The following CAMK2A variants were observed in gnomAD, a reference collection of about 807,000 sequenced individuals.
CAMK2A encodes the protein calcium/calmodulin dependent protein kinase II alpha.
Under a neutral mutation model 79.2 loss-of-function variants are expected in CAMK2A, and 7 were observed. That is an observed-to-expected ratio of 0.09 (90% CI 0.05 to 0.17). CAMK2A has a LOEUF of 0.17. Ranked by LOEUF, CAMK2A falls within the 10% of genes least tolerant of loss-of-function variation. The probability of loss-of-function intolerance (pLI) is 1.00; values close to 1 mark genes in which losing one functional copy is unlikely to be tolerated. For synonymous variants in CAMK2A, 242 were observed against 251.7 expected, an observed-to-expected ratio of 0.96 and a Z score of 0.36; for missense variants, 214 against 646.4, an observed-to-expected ratio of 0.33 and a Z score of 7.25.
chr5:150,243,516 G>A (rs918762598), intron 13 of CAMK2A, among the ~76,000 whole-genome samples: 10 of 152,118 alleles, frequency 6.6e-5, no homozygotes, highest in African/African-American at 1.4e-4. Context: ...TTCAATGCCC[G>A]ATTCCATTAC....
At chr5:150,261,396 A>G (rs896836429) in intron 3 of CAMK2A, among the ~76,000 whole-genome samples, 1 of 152,202 alleles carries the variant, frequency 6.6e-6, no homozygotes, top group Non-Finnish European at 1.5e-5. Flanking sequence ...CGACTCAGCC[A>G]GAGCCCAAGA....
At chr5:150,232,640 G>A (rs568338368) in intron 15 of CAMK2A, among the ~76,000 whole-genome samples, 10 of 152,316 alleles carry the variant, frequency 6.6e-5, no homozygotes, top group Non-Finnish European at 1.3e-4. Flanking sequence ...AGTTGTCTCA[G>A]GTGAATAGAT....
chr5:150,280,581 G>A (rs969195151), intron 1 of CAMK2A, among the ~76,000 whole-genome samples: 1 of 151,802 alleles, frequency 6.6e-6, no homozygotes. Flanking sequence ...TCTGGCTGCC[G>A]CCCCCAGGGC....
intron 14 of CAMK2A, 85 bp from the exon 15 acceptor site, chr5:150,238,833 C>A: frequency 8.2e-7 from 1 of 1,226,114 alleles, no homozygotes; most frequent in East Asian, 2.6e-5. Flanking sequence ...GGTGACGCGG[C>A]TGGTTTCTGT....
chr5:150,250,162 C>A (rs942711603), intron 11 of CAMK2A, 64 bp downstream of exon 11: 19 of 1,216,100 alleles, frequency 1.6e-5, no homozygotes, highest in Non-Finnish European at 2.3e-5. Context: ...GTCTCCTGGC[C>A]TCTGTGGAGA....
At chr5:150,273,846 T>C (rs1231839848) in intron 1 of CAMK2A, among the ~76,000 whole-genome samples, 1 of 152,256 alleles carries the variant, frequency 6.6e-6, no homozygotes, top group African/African-American at 2.4e-5. Flanking sequence ...TTTCAATCTA[T>C]AGCCATTACA....
chr5:150,283,086 C>G (rs1757281389), intron 1 of CAMK2A, among the ~76,000 whole-genome samples: 1 of 152,230 alleles, frequency 6.6e-6, no homozygotes, highest in Admixed American at 6.5e-5. Flanking sequence ...CTAAAGCCCC[C>G]CAATTCCTTG....
chr5:150,257,459 C>T, intron 4 of CAMK2A, 104 bp downstream of exon 4: 5 of 1,029,012 alleles, frequency 4.9e-6, no homozygotes, highest in Non-Finnish European at 7.4e-6. Context: ...TTTGGGGAAA[C>T]TCTGGACCAC....
In CAMK2A at chr5:150,250,289, G is replaced by C; in HGVS notation, c.837C>G (p.Ser279=). 6.2e-7 allele frequency: 1 copy of C among 1,614,026 alleles called. No individual in the cohort carries two copies. Among genetic ancestry groups the C allele is most frequent in the Non-Finnish European group, 8.5e-7 (1 of 1,179,968 alleles). Residue 279 remains serine (S), a synonymous_variant, in exon 11 of 19, where the codon TCC becomes TCG. Coordinates refer to ENST00000671881, the MANE Select transcript of CAMK2A (RefSeq NM_015981.4). ...PWISHRSTVA[S]CMHRQETVDC... is the part of the protein sequence containing the mutation. ...CCACGGTCTCCTGTCTGTGCATGCA[G>C]GATGCCACGGTGGAGCGGTGCTGGA...
intron 3 of CAMK2A, among the ~76,000 whole-genome samples, chr5:150,261,957 C>A (rs1339799693): frequency 6.6e-6 from 1 of 152,204 alleles, no homozygotes; most frequent in Non-Finnish European, 1.5e-5. Context: ...TTCCCTTCCC[C>A]ACCACAAATC....
At chr5:150,264,826 A>G in intron 3 of CAMK2A, 130 bp downstream of exon 3, 1 of 703,998 alleles carries the variant, frequency 1.4e-6, no homozygotes, top group South Asian at 1.5e-5. Context: ...CCCCTTTCCC[A>G]TCTCTGCTGC....
At chr5:150,261,027 A>G (rs556860767) in intron 3 of CAMK2A, among the ~76,000 whole-genome samples, 2 of 152,200 alleles carry the variant, frequency 1.3e-5, no homozygotes, top group African/African-American at 4.8e-5. Flanking sequence ...AGGAGCCACA[A>G]GAAGACTGGA....
At chr5:150,240,546 T>G (rs1755292001) in intron 13 of CAMK2A, among the ~76,000 whole-genome samples, 1 of 152,220 alleles carries the variant, frequency 6.6e-6, no homozygotes, top group Admixed American at 6.5e-5. Context: ...CTGTATTGGC[T>G]ACGGTACCAA....
rs368406952 is a variant in CAMK2A at position 150,239,587 on chromosome 5, G to A, written c.1017+117C>T. Reference sequence around the variant, plus strand: ...TTGTCACACAAGGCACACGTACCAAGCACGCCCTGAGCACCCTCTCCCCGC... The same window carrying A: ...TTGTCACACAAGGCACACGTACCAAACACGCCCTGAGCACCCTCTCCCCGC... On this transcript the variant is annotated intron_variant, in intron 14 of 18. Coordinates refer to ENST00000671881, the MANE Select transcript of CAMK2A (RefSeq NM_015981.4). 1.0e-5 allele frequency: 9 copies of A among 881,196 alleles called. No individual in the cohort carries two copies. The African/African-American group carries it at 1.5e-4, about 14-fold the overall frequency. 54.6% of individuals were successfully genotyped at this position (881,196 alleles called of 1,614,324 possible).
intron 12 of CAMK2A, among the ~76,000 whole-genome samples, chr5:150,247,544 G>A (rs1390838304): frequency 2.0e-5 from 3 of 152,200 alleles, no homozygotes; most frequent in African/African-American, 7.2e-5. Flanking sequence ...TGGGCAGCCA[G>A]ACTAAATCTG....
At chr5:150,236,267 C>T (rs1755054598) in intron 15 of CAMK2A, among the ~76,000 whole-genome samples, 2 of 152,100 alleles carry the variant, frequency 1.3e-5, no homozygotes, top group Admixed American at 6.5e-5. Context: ...TATTGTATTC[C>T]AAATATTTCT....
intron 12 of CAMK2A, among the ~76,000 whole-genome samples, chr5:150,246,010 G>C (rs59077702): frequency 1.1e-3 from 168 of 152,360 alleles, no homozygotes; most frequent in African/African-American, 3.9e-3. Context: ...AATGAAACAA[G>C]GTATCTGTGA....
At chr5:150,231,738 T>C (rs993415010) in intron 15 of CAMK2A, among the ~76,000 whole-genome samples, 2 of 152,108 alleles carry the variant, frequency 1.3e-5, no homozygotes, top group African/African-American at 4.8e-5. Flanking sequence ...TAAATCCAGG[T>C]CTTGGCTCCC....
chr5:150,279,480 G>T (rs960715161), intron 1 of CAMK2A, among the ~76,000 whole-genome samples: 1 of 152,204 alleles, frequency 6.6e-6, no homozygotes, highest in Non-Finnish European at 1.5e-5. Flanking sequence ...AGATAATAAG[G>T]TAGGCAATGA....
Sources: allele counts gnomAD v4.1 joint callset (sites outside exome capture counted in the v4.1 genomes callset), GRCh38; gene constraint gnomAD v4.1.1; transcripts MANE v1.5; gene names NCBI Gene and HGNC (gene_info 2026-07-23, HGNC 2026-07-21).